The following PHACTR1 variants were observed in gnomAD, a reference collection of about 807,000 sequenced individuals.
The protein encoded by PHACTR1 is phosphatase and actin regulator 1.
A neutral mutation model predicts 69.2 loss-of-function variants in PHACTR1; 16 were observed. The ratio of observed to expected loss-of-function variants is 0.23; its 90% CI spans 0.16 to 0.35. The LOEUF (loss-of-function observed/expected upper bound fraction) is 0.35. Ranked by LOEUF, PHACTR1 falls within the 10% of genes least tolerant of loss-of-function variation. PHACTR1 has a pLI of 1.00. For missense variants in PHACTR1, 510 were observed against 734.7 expected (o/e 0.69, Z 3.54); for synonymous variants, 312 against 284.5 (o/e 1.10, Z -0.97).
intron 4 of PHACTR1, among the ~76,000 whole-genome samples, chr6:12,824,719 G>A (rs1269198237): frequency 6.6e-6 from 1 of 152,070 alleles, no homozygotes; most frequent in African/African-American, 2.4e-5. Flanking sequence ...ATGTCATAAT[G>A]GGATCTATTA....
At position 13,179,245 on chromosome 6, in the gene PHACTR1, GCAA is replaced by G. The variant is rs911125651; in HGVS notation, c.497-3258_497-3256del. 1.3e-5 allele frequency among the ~76,000 whole-genome samples: 2 copies of G among 151,782 alleles called. No homozygotes were observed. The highest frequency in any genetic ancestry group is 4.8e-5 in the African/African-American group (2 of 41,312). On this transcript the variant is annotated intron_variant, in intron 6 of 14. Coordinates refer to ENST00000332995, the MANE Select transcript of PHACTR1 (RefSeq NM_030948.6). This position sits in a 1 kb window ranked among gnomAD's most constrained non-coding sequence, Gnocchi z 4.2. ...AGTGAGACCCTGTCTCAAACAAACA[GCAA>G]CAACAACAACAACAAACCCAGTACT...
At chr6:13,252,317 G>A (rs1297778423) in intron 10 of PHACTR1, among the ~76,000 whole-genome samples, 2 of 128,092 alleles carry the variant, frequency 1.6e-5, no homozygotes, top group Non-Finnish European at 3.2e-5. Context: ...AACGGAGCAA[G>A]ATCCTGTCTC....
chr6:13,207,116 T>G (rs1766056155), intron 8 of PHACTR1, among the ~76,000 whole-genome samples: 1 of 152,190 alleles, frequency 6.6e-6, no homozygotes, highest in East Asian at 1.9e-4. Context: ...CTATAAGCAT[T>G]AATGTTTTGT....
intron 5 of PHACTR1, among the ~76,000 whole-genome samples, chr6:13,132,806 C>G (rs1406225335): frequency 1.3e-5 from 2 of 151,352 alleles, no homozygotes; most frequent in Non-Finnish European, 2.9e-5. Context: ...GGCCTTGATT[C>G]TATGTTGATG....
intron 4 of PHACTR1, among the ~76,000 whole-genome samples, chr6:12,798,056 A>ACACACACACACACG (rs1254926216): frequency 6.6e-6 from 1 of 151,512 alleles, no homozygotes; most frequent in African/African-American, 2.4e-5. Flanking sequence ...ACACACACAC[A>ACACACACACACACG]CACACACACA....
intron 4 of PHACTR1, among the ~76,000 whole-genome samples, chr6:12,899,304 T>G (rs751504442): frequency 6.6e-6 from 1 of 152,178 alleles, no homozygotes; most frequent in Non-Finnish European, 1.5e-5. Context: ...AATGCAGGGT[T>G]GTTATGGGGA....
chr6:12,907,979 T>G (rs1562000133), intron 4 of PHACTR1, among the ~76,000 whole-genome samples: 1 of 152,248 alleles, frequency 6.6e-6, no homozygotes, highest in Non-Finnish European at 1.5e-5. Flanking sequence ...ACAACCTGTG[T>G]GTCCATCTAT....
At chr6:13,270,394 C>G (rs547329009) in intron 10 of PHACTR1, among the ~76,000 whole-genome samples, 1 of 152,176 alleles carries the variant, frequency 6.6e-6, no homozygotes, top group African/African-American at 2.4e-5. Context: ...TCCAGCCCCC[C>G]ACCCTCCTGC....
intron 4 of PHACTR1, among the ~76,000 whole-genome samples, chr6:12,819,098 AC>A (rs753264746): frequency 5.3e-5 from 8 of 152,170 alleles, no homozygotes; most frequent in Non-Finnish European, 1.2e-4. Context: ...TGGGCATTCC[AC>A]CGCCAAAACC....
chr6:13,030,551 T>G (rs1802312659), intron 4 of PHACTR1, among the ~76,000 whole-genome samples: 1 of 152,240 alleles, frequency 6.6e-6, no homozygotes, highest in South Asian at 2.1e-4. Context: ...ATTAATTGCT[T>G]GGCTTTGTTA....
At chr6:13,259,252 A>G (rs1434152237) in intron 10 of PHACTR1, among the ~76,000 whole-genome samples, 4 of 152,236 alleles carry the variant, frequency 2.6e-5, no homozygotes, top group Non-Finnish European at 5.9e-5. Flanking sequence ...TTTATGTCCA[A>G]TAATCCTAAT....
chr6:13,105,646 T>C (rs1816009120), intron 5 of PHACTR1, among the ~76,000 whole-genome samples: 1 of 152,172 alleles, frequency 6.6e-6, no homozygotes, highest in South Asian at 2.1e-4. Flanking sequence ...CCCATGCTTC[T>C]GACTGACTGC....
intron 7 of PHACTR1, among the ~76,000 whole-genome samples, chr6:13,190,059 C>T (rs527687362): frequency 4.1e-5 from 6 of 146,856 alleles, no homozygotes; most frequent in South Asian, 2.2e-4. Flanking sequence ...GTTTCTACTC[C>T]GTCGCCCAGG....
chr6:12,963,368 G>C (rs936618845), intron 4 of PHACTR1, among the ~76,000 whole-genome samples: 2 of 152,070 alleles, frequency 1.3e-5, no homozygotes, highest in African/African-American at 4.8e-5. Flanking sequence ...CAGTTCCCTG[G>C]TAGCAGCCTG....
intron 10 of PHACTR1, among the ~76,000 whole-genome samples, chr6:13,250,201 T>C (rs146728824): frequency 7.7e-4 from 117 of 152,356 alleles, no homozygotes; most frequent in Non-Finnish European, 1.3e-3. Flanking sequence ...GGACCTAGAC[T>C]GAGGACATTA....
intron 4 of PHACTR1, among the ~76,000 whole-genome samples, chr6:12,754,850 A>G (rs1767102947): frequency 6.6e-6 from 1 of 152,252 alleles, no homozygotes; most frequent in Non-Finnish European, 1.5e-5. Flanking sequence ...ATTAGGTATT[A>G]TAAGTAATCT....
chr6:12,823,866 G>T (rs938572667), intron 4 of PHACTR1, among the ~76,000 whole-genome samples: 3 of 152,132 alleles, frequency 2.0e-5, no homozygotes, highest in Admixed American at 2.0e-4. Flanking sequence ...ATCATTCACT[G>T]CTTCTTTGGG....
intron 4 of PHACTR1, among the ~76,000 whole-genome samples, chr6:12,778,941 A>G (rs978946745): frequency 2.0e-5 from 3 of 152,230 alleles, no homozygotes; most frequent in African/African-American, 7.2e-5. Flanking sequence ...GGCTTAAGCC[A>G]CAGGGGCCAG....
At chr6:12,822,477 G>A (rs928189779) in intron 4 of PHACTR1, among the ~76,000 whole-genome samples, 15 of 152,198 alleles carry the variant, frequency 9.9e-5, no homozygotes, top group African/African-American at 1.4e-4. Context: ...AATCCACCAA[G>A]CCCTCCATGA....
Sources: allele counts gnomAD v4.1 joint callset (sites outside exome capture counted in the v4.1 genomes callset), GRCh38; gene constraint gnomAD v4.1.1; non-coding constraint Gnocchi (gnomAD v3.1); transcripts MANE v1.5; gene names NCBI Gene and HGNC (gene_info 2026-07-23, HGNC 2026-07-21).